Variants in RIMS4 observed in about 807,000 individuals in gnomAD.
RIMS4 encodes the protein regulating synaptic membrane exocytosis protein 4.
Under a neutral mutation model 29.0 loss-of-function variants are expected in RIMS4, and 9 were observed. The ratio of observed to expected loss-of-function variants is 0.31; its 90% CI spans 0.19 to 0.54. RIMS4 has a LOEUF of 0.54. Among genes scored for constraint, RIMS4 ranks in the 20% least tolerant of loss-of-function variants. RIMS4 has a pLI of 0.94. For synonymous variants in RIMS4, 130 were observed against 152.9 expected, an observed-to-expected ratio of 0.85 and a Z score of 1.10; for missense variants, 193 against 365.7, an observed-to-expected ratio of 0.53 and a Z score of 3.85.
rs1278434530 is a variant in RIMS4, at chr20:44,795,373, C to T, written c.97+14802G>A. ...ATAGCCAGCCAGGCGCAGTGGCTCA[C>T]GCCTGTAATCCCAGCACTTTGGGAG... is the stretch of plus-strand genomic sequence containing the variant. On this transcript the variant is annotated intron_variant, in intron 1 of 5. Coordinates refer to ENST00000372851, the MANE Select transcript of RIMS4 (RefSeq NM_182970.4). 3.9e-5 allele frequency among the ~76,000 whole-genome samples: 6 copies of T among 152,188 alleles called. No homozygotes were observed. The East Asian group carries it at 5.8e-4, about 15-fold the overall frequency.
chr20:44,785,549 A>G (rs1023471368), intron 1 of RIMS4, among the ~76,000 whole-genome samples: 100 of 152,212 alleles, frequency 6.6e-4, no homozygotes, highest in African/African-American at 2.3e-3. Context: ...AAACCTGCAA[A>G]TCTTAGTTCC....
intron 1 of RIMS4, among the ~76,000 whole-genome samples, chr20:44,781,940 T>A (rs1296361206): frequency 6.6e-6 from 1 of 152,190 alleles, no homozygotes; most frequent in Non-Finnish European, 1.5e-5. Context: ...ATGATGCACA[T>A]ACCAGGTGTT....
At chr20:44,778,960 C>T (rs921731043) in intron 1 of RIMS4, among the ~76,000 whole-genome samples, 1 of 152,202 alleles carries the variant, frequency 6.6e-6, no homozygotes, top group Admixed American at 6.5e-5. Context: ...CCTGCCTGAG[C>T]TTCCCAAATC....
At chr20:44,761,888 T>G (rs997842158) in intron 2 of RIMS4, among the ~76,000 whole-genome samples, 1 of 152,248 alleles carries the variant, frequency 6.6e-6, no homozygotes, top group Non-Finnish European at 1.5e-5. Context: ...CGTAAGTGTC[T>G]GGGGACTGAA....
chr20:44,757,551 G>A (rs1259754929), intron 4 of RIMS4, 119 bp downstream of exon 4: 3 of 756,638 alleles, frequency 4.0e-6, no homozygotes, highest in Non-Finnish European at 7.0e-6. Context: ...AGACATCAGA[G>A]TTGGGACAGG....
chr20:44,809,432 C>T (rs1190920945), intron 1 of RIMS4, among the ~76,000 whole-genome samples: 2 of 152,062 alleles, frequency 1.3e-5, no homozygotes, highest in African/African-American at 2.4e-5. Context: ...AGGTTCAAGC[C>T]GCTGGCTGGT....
intron 2 of RIMS4, 39 bp from the exon 3 acceptor site, chr20:44,758,223 G>A (rs1178804195): frequency 2.1e-6 from 3 of 1,456,670 alleles, no homozygotes; most frequent in African/African-American, 2.8e-5. Flanking sequence ...CACATTCCCA[G>A]TGGTTTACCA....
chr20:44,766,348 G>A (rs577164741), intron 2 of RIMS4, among the ~76,000 whole-genome samples: 1 of 152,302 alleles, frequency 6.6e-6, no homozygotes, highest in South Asian at 2.1e-4. Flanking sequence ...AGGGTGAAGG[G>A]GGAGCAGGGG....
chr20:44,775,554 C>T (rs2066156425), intron 1 of RIMS4, among the ~76,000 whole-genome samples: 1 of 152,238 alleles, frequency 6.6e-6, no homozygotes, highest in Non-Finnish European at 1.5e-5. Flanking sequence ...CAGAACAACT[C>T]TGAGGCTTCA....
intron 1 of RIMS4, among the ~76,000 whole-genome samples, chr20:44,805,272 C>A (rs1454443369): frequency 6.6e-6 from 1 of 152,064 alleles, no homozygotes; most frequent in Admixed American, 6.6e-5. Context: ...CACCACTGCA[C>A]CCCACCTTGG....
intron 2 of RIMS4, among the ~76,000 whole-genome samples, chr20:44,758,543 C>T (rs6031784): frequency 0.06 from 9,109 of 152,214 alleles, 568 homozygotes; most frequent in African/African-American, 0.16. Context: ...GCATTTCTTG[C>T]GGCTGCTTGG....
intron 1 of RIMS4, among the ~76,000 whole-genome samples, chr20:44,790,594 C>T (rs1280878175): frequency 1.3e-5 from 2 of 152,250 alleles, no homozygotes; most frequent in African/African-American, 4.8e-5. Flanking sequence ...TAGTGTCTCA[C>T]TCAAGTCCTT....
At chr20:44,769,737 C>T (rs1031036095) in intron 2 of RIMS4, among the ~76,000 whole-genome samples, 3 of 152,170 alleles carry the variant, frequency 2.0e-5, no homozygotes, top group African/African-American at 4.8e-5. Flanking sequence ...AGGCCATTCA[C>T]GAGGCTGAAG....
intron 2 of RIMS4, among the ~76,000 whole-genome samples, chr20:44,764,181 T>C (rs61018789): frequency 9.6e-4 from 62 of 64,528 alleles, no homozygotes; most frequent in South Asian, 1.4e-3. Context: ...CATCCATCCA[T>C]CCATCCATTT....
intron 1 of RIMS4, among the ~76,000 whole-genome samples, chr20:44,780,468 C>T (rs555507605): frequency 6.6e-6 from 1 of 152,320 alleles, no homozygotes; most frequent in African/African-American, 2.4e-5. Context: ...ACCACAATTC[C>T]TTCCCACTGG....
At chr20:44,793,089 G>A (rs1228531669) in intron 1 of RIMS4, among the ~76,000 whole-genome samples, 1 of 152,112 alleles carries the variant, frequency 6.6e-6, no homozygotes, top group East Asian at 1.9e-4. Context: ...CCTCTAACTT[G>A]CATAAGGATG....
intron 2 of RIMS4, among the ~76,000 whole-genome samples, chr20:44,765,479 C>T (rs946203164): frequency 1.3e-5 from 2 of 152,202 alleles, no homozygotes; most frequent in Non-Finnish European, 2.9e-5. Context: ...GTCTGGCATA[C>T]TCAAATGCTC....
chr20:44,806,162 A>C (rs1033421946), intron 1 of RIMS4, among the ~76,000 whole-genome samples: 2 of 152,170 alleles, frequency 1.3e-5, no homozygotes, highest in African/African-American at 4.8e-5. Context: ...TCCTATGGGC[A>C]AATCAGAGCT....
chr20:44,779,602 T>C (rs2066174904), intron 1 of RIMS4, among the ~76,000 whole-genome samples: 1 of 152,252 alleles, frequency 6.6e-6, no homozygotes. Context: ...CTTATTGTAG[T>C]ACATTGTGTG....
Sources: gnomAD v4.1 joint callset for allele counts (sites outside exome capture counted in the v4.1 genomes callset) on GRCh38, gnomAD v4.1.1 for gene constraint, MANE v1.5 for transcripts, NCBI Gene and HGNC (gene_info 2026-07-23, HGNC 2026-07-21) for gene names.